PP2D1: variants seen among roughly 807,000 people sequenced by gnomAD.
PP2D1 encodes the protein protein phosphatase 2C-like domain-containing protein 1.
A neutral mutation model predicts 30.2 loss-of-function variants in PP2D1; 25 were observed. The observed-to-expected ratio is 0.83, with a 90% CI of 0.60 to 1.16. The LOEUF (loss-of-function observed/expected upper bound fraction) is 1.16, where lower values mean the gene tolerates loss of function less well. Ranked by LOEUF, PP2D1 falls within the 50% of genes most tolerant of loss-of-function variation. PP2D1 has a pLI of 0.00. For missense variants in PP2D1, 760 were observed against 742.4 expected, an observed-to-expected ratio of 1.02 and a Z score of -0.28; for synonymous variants, 260 against 258.9, an observed-to-expected ratio of 1.00 and a Z score of -0.04.
At chr3:19,989,804 A>G (rs969352226) in intron 2 of PP2D1, among the ~76,000 whole-genome samples, 10 of 152,244 alleles carry the variant, frequency 6.6e-5, no homozygotes, top group Admixed American at 6.5e-5. Flanking sequence ...AGTCAAATCT[A>G]TTGACTTTGT....
At chr3:19,996,481 TC>T (rs1697181741) in intron 2 of PP2D1, among the ~76,000 whole-genome samples, 1 of 152,128 alleles carries the variant, frequency 6.6e-6, no homozygotes, top group African/African-American at 2.4e-5. Flanking sequence ...CCAGATGGCT[TC>T]ACTGCTGAAT....
downstream of PP2D1, among the ~76,000 whole-genome samples, chr3:19,983,492 G>A (rs966839945): frequency 3.9e-5 from 6 of 152,082 alleles, no homozygotes; most frequent in Admixed American, 2.0e-4. Flanking sequence ...CCCATCTACC[G>A]TTCCCCCAAC....
chr3:19,991,372 A>G (rs530705720), intron 2 of PP2D1, among the ~76,000 whole-genome samples: 2 of 152,328 alleles, frequency 1.3e-5, no homozygotes, highest in Non-Finnish European at 2.9e-5. Context: ...GGCAATATCA[A>G]CATTTTTCTC....
chr3:19,990,525 AT>A (rs34304668), intron 2 of PP2D1, among the ~76,000 whole-genome samples: 30,506 of 152,080 alleles, frequency 0.2, 3,455 homozygotes, highest in African/African-American at 0.3. Context: ...TTTCTTAACT[AT>A]TTGTGTATCT....
At chr3:19,987,094 A>C (rs1337555120) in intron 2 of PP2D1, among the ~76,000 whole-genome samples, 3 of 150,570 alleles carry the variant, frequency 2.0e-5, no homozygotes, top group African/African-American at 7.3e-5. Context: ...GTATTACATG[A>C]ATAATAGGCA....
rs1048967291 is a variant in PP2D1 at position 20,001,878 on chromosome 3, T to A, written c.242A>T (p.His81Leu). The change falls in exon 2 of 3, where the codon CAT (histidine) becomes CTT (leucine). Residue 81 changes from histidine (H) to leucine (L), a missense_variant. His to Leu is a moderately conservative substitution (Grantham distance 99). Coordinates refer to ENST00000389050, the MANE Select transcript of PP2D1 (RefSeq NM_001252657.2). ...HEIDLTGIFL[H>L]KKQHVALATL... Reference sequence around the variant, plus strand: ...GGCCAGAGCTACATGTTGCTTCTTATGGAGAAAAATACCAGTTAGGTCAAT... The same window carrying A: ...GGCCAGAGCTACATGTTGCTTCTTAAGGAGAAAAATACCAGTTAGGTCAAT... 10 of 1,536,112 alleles carry A rather than the reference T, an allele frequency of 6.5e-6. No individual in the cohort carries two copies. The highest frequency in any genetic ancestry group is 1.2e-5 in the South Asian group (1 of 84,020).
Position 20,003,149 on chromosome 3 carries a change from G to A in PP2D1, c.24-1053C>T, listed in dbSNP as rs554654223. Among the ~76,000 whole-genome samples, 4 of 152,034 alleles carry A rather than the reference G, an allele frequency of 2.6e-5. No individual in the cohort carries two copies. The East Asian group carries it at 7.7e-4, about 29-fold the overall frequency. Reference sequence around the variant, plus strand: ...CTATGTGGCTGGCTTATGTGTTTATGATAGTATACTTTTTATTGTTATTTT... The same window carrying A: ...CTATGTGGCTGGCTTATGTGTTTATAATAGTATACTTTTTATTGTTATTTT... On this transcript the variant is annotated intron_variant, in intron 1 of 2. Transcript: ENST00000389050.
At chr3:20,010,941 G>A (rs1000352050) in intron 1 of PP2D1, among the ~76,000 whole-genome samples, 4 of 152,208 alleles carry the variant, frequency 2.6e-5, no homozygotes, top group Non-Finnish European at 4.4e-5. Flanking sequence ...AGTTTGCAGT[G>A]CTGTCCATAT....
At chr3:19,990,244 C>CA (rs1697099600) in intron 2 of PP2D1, among the ~76,000 whole-genome samples, 1 of 151,942 alleles carries the variant, frequency 6.6e-6, no homozygotes, top group African/African-American at 2.4e-5. Flanking sequence ...TCCCTGGGCT[C>CA]AGGTGATCCT....
chr3:20,006,990 TACACACACACACACGTATAC>T (rs1299407800), intron 1 of PP2D1, among the ~76,000 whole-genome samples: 7 of 143,098 alleles, frequency 4.9e-5, no homozygotes, highest in Non-Finnish European at 9.2e-5. Context: ...TATATATGTA[TACACACACACACACGTATAC>T]ACACACACAC....
chr3:19,985,219 A>AAT (rs1697010017), downstream of PP2D1: 4 of 577,742 alleles, frequency 6.9e-6, no homozygotes, highest in Admixed American at 1.5e-4. Flanking sequence ...TAAAACAGTG[A>AAT]ATATATATAA....
intron 1 of PP2D1, among the ~76,000 whole-genome samples, chr3:20,009,897 A>G (rs1026636140): frequency 2.0e-5 from 3 of 152,210 alleles, no homozygotes; most frequent in Non-Finnish European, 4.4e-5. Context: ...CCACGTTATA[A>G]ATACTTTTAG....
rs1395743726 is a variant in PP2D1 at position 20,001,428 on chromosome 3, A to C, written c.692T>G (p.Leu231Arg). The C allele has an allele frequency of 2.0e-6, 3 of 1,536,656 alleles. No individual in the cohort carries two copies. The highest frequency in any genetic ancestry group is 3.3e-4 in the Middle Eastern group (2 of 5,996). ...MELPVLLLHQ[L>R]SKFDPSYQMT... is the part of the protein sequence containing the mutation. ...TTGGTAAGAAGGATCAAATTTGGAA[A>C]GCTGATGGAGAAGTAAAACTGGGAG... The change falls in exon 2 of 3, where the codon CTT becomes CGT. Residue 231 changes from leucine (L) to arginine (R), a missense_variant. Physicochemically the swap from Leu to Arg is moderately radical, Grantham distance 102. This residue lies in a region of PP2D1 where 374 missense variants were observed against 388.8 expected (regional missense o/e 0.96). Transcript: ENST00000389050.
At position 20,001,325 on chromosome 3, in the gene PP2D1, G is replaced by T. The variant is rs1250034092; in HGVS notation, c.795C>A (p.Leu265=). ...FREEYAAIED[L]FSAINKTEAV... ...CTTCTGTTTTGTTTATGGCAGAAAAGAGGTCTTCTATTGCTGCGTATTCTT... is the reference window on the plus strand; with the variant it reads ...CTTCTGTTTTGTTTATGGCAGAAAATAGGTCTTCTATTGCTGCGTATTCTT... Residue 265 remains leucine, a synonymous_variant, in exon 2 of 3, where the codon CTC becomes CTA. Transcript: ENST00000389050. 2.0e-6 allele frequency: 3 copies of T among 1,535,348 alleles called. No individual in the cohort carries two copies. In the African/African-American group the frequency reaches 4.1e-5, roughly 21 times the overall value.
chr3:19,986,023 G>T lies in PP2D1; in HGVS notation c.1250C>A (p.Thr417Lys), dbSNP rs897269300. 2.6e-6 allele frequency: 4 copies of T among 1,536,066 alleles called. No individual in the cohort carries two copies. The Admixed American group carries it at 7.8e-5, about 30-fold the overall frequency. The change falls in exon 3 of 3, where the codon ACA becomes AAA. Residue 417 changes from threonine to lysine, a missense_variant. By Grantham distance (78) the Thr-to-Lys change is moderately conservative (BLOSUM62 -1). Coordinates refer to ENST00000389050, the MANE Select transcript of PP2D1 (RefSeq NM_001252657.2). Reference sequence around the variant, plus strand: ...ATTTCCATGAAATCCAAGTCCTCGTGTAGTTTTTACTTGCCCCTCTACAAG... The same window carrying T: ...ATTTCCATGAAATCCAAGTCCTCGTTTAGTTTTTACTTGCCCCTCTACAAG... Reference protein sequence around the residue: ...YGLVEGQVKTTRGLGFHGNLK... With the variant: ...YGLVEGQVKTKRGLGFHGNLK...
downstream of PP2D1, among the ~76,000 whole-genome samples, chr3:19,982,648 A>G (rs1033911754): frequency 2.6e-5 from 4 of 152,058 alleles, no homozygotes; most frequent in South Asian, 8.3e-4. Context: ...CAAGAGTTCA[A>G]GACCAGCCTA....
At chr3:20,007,008 TACACACACACAC>T (rs71751343) in intron 1 of PP2D1, among the ~76,000 whole-genome samples, 53 of 144,672 alleles carry the variant, frequency 3.7e-4, no homozygotes, top group Non-Finnish European at 6.3e-4. Context: ...CACACACGTA[TACACACACACAC>T]ACACACACAC....
At chr3:19,995,768 T>C (rs2125141468) in intron 2 of PP2D1, among the ~76,000 whole-genome samples, 1 of 152,308 alleles carries the variant, frequency 6.6e-6, no homozygotes, top group South Asian at 2.1e-4. Context: ...AAAAGTAGTA[T>C]CTTTTCATAC....
At chr3:20,010,577 G>A (rs559310214) in intron 1 of PP2D1, among the ~76,000 whole-genome samples, 17 of 151,890 alleles carry the variant, frequency 1.1e-4, no homozygotes, top group African/African-American at 3.4e-4. Context: ...CGAGGCAGGC[G>A]GATCACCTGA....
Sources: allele counts gnomAD v4.1 joint callset (sites outside exome capture counted in the v4.1 genomes callset), GRCh38; gene constraint gnomAD v4.1.1; regional missense constraint gnomAD v4.1.1; transcripts MANE v1.5; gene names NCBI Gene and HGNC (gene_info 2026-07-23, HGNC 2026-07-21).